KMT5A: variants seen among roughly 807,000 people sequenced by gnomAD.
KMT5A encodes the protein N-lysine methyltransferase KMT5A.
Under a neutral mutation model 40.6 loss-of-function variants are expected in KMT5A, and 6 were observed. The ratio of observed to expected loss-of-function variants is 0.15; its 90% CI spans 0.08 to 0.29. The LOEUF (loss-of-function observed/expected upper bound fraction) is 0.29, where lower values mean the gene tolerates loss of function less well. Among genes scored for constraint, KMT5A ranks in the 10% least tolerant of loss-of-function variants. KMT5A has a pLI of 1.00. For synonymous variants in KMT5A, 153 were observed against 178.8 expected (o/e 0.86, Z 1.15); for missense variants, 308 against 459.1 (o/e 0.67, Z 3.01).
rs529899431 is a variant in KMT5A at position 123,404,985 on chromosome 12, C to T, written c.759C>T (p.Thr253=). 6.8e-5 allele frequency: 109 copies of T among 1,614,026 alleles called. No homozygotes were observed. Among genetic ancestry groups the T allele is most frequent in the Non-Finnish European group, 4.5e-5 (53 of 1,179,982 alleles). The change falls in exon 7 of 8, where the codon ACC becomes ACT. Residue 253 remains threonine (T), a synonymous_variant. Transcript: ENST00000402868. The stretch of plus-strand genomic sequence containing the variant: ...ACCACGGGGACCTCATCGAGATCAC[C>T]GACGCCAAGAAACGGGAGGCTCTGT... The part of the protein sequence containing the change: ...VEYHGDLIEI[T]DAKKREALYA...
At chr12:123,388,771 A>C in intron 1 of KMT5A, 1 of 146,248 alleles carries the variant, frequency 6.8e-6, no homozygotes. Flanking sequence ...GGCGGGCGGG[A>C]GCCTGGGCTG....
chr12:123,385,175 T>C (rs1378385335), intron 1 of KMT5A, among the ~76,000 whole-genome samples: 3 of 152,154 alleles, frequency 2.0e-5, no homozygotes, highest in African/African-American at 7.2e-5. Context: ...AGTAAATATC[T>C]ATTGGGTCCC....
Position 123,391,807 on chromosome 12 carries a change from G to A in KMT5A, c.289+1021G>A, listed in dbSNP as rs190879680. ...CTCCATACAAGGAAGCCTTGTGTTC[G>A]CTAACAGAAAGTGTCATAAATGACG... On this transcript the variant is annotated intron_variant, in intron 3 of 7. Coordinates refer to ENST00000402868, the MANE Select transcript of KMT5A (RefSeq NM_020382.7). Among the ~76,000 whole-genome samples the A allele has an allele frequency of 2.8e-3, 424 of 152,288 alleles. 1 individual carries two copies. Among genetic ancestry groups the A allele is most frequent in the African/African-American group, 9.3e-3 (387 of 41,554 alleles).
At position 123,402,280 on chromosome 12, in the gene KMT5A, CG is replaced by C. The variant is rs996954641; in HGVS notation, c.598-1289del. On this transcript the variant is annotated intron_variant, in intron 5 of 7. Coordinates refer to ENST00000402868, the MANE Select transcript of KMT5A (RefSeq NM_020382.7). ...CTGGTGACTAGCAAGGGGGCCGGAG[CG>C]GGGCCGGGGCCGTGGCTGGGCTGCA... 7.9e-5 allele frequency among the ~76,000 whole-genome samples: 12 copies of C among 152,122 alleles called. 1 individual carries two copies. Among genetic ancestry groups the C allele is most frequent in the Non-Finnish European group, 1.6e-4 (11 of 68,032 alleles).
Position 123,407,859 on chromosome 12 carries a change from T to A in KMT5A, c.*156T>A. 1.6e-6 allele frequency: 1 copy of A among 610,800 alleles called. No homozygotes were observed. Among genetic ancestry groups the A allele is most frequent in the Non-Finnish European group, 2.9e-6 (1 of 344,946 alleles). The allele number at this position is 610,800 out of a possible 1,614,324, so 37.8% of individuals were successfully genotyped here. On this transcript the variant is annotated 3_prime_UTR_variant, in exon 8 of 8. Coordinates refer to ENST00000402868, the MANE Select transcript of KMT5A (RefSeq NM_020382.7). ...TTAAGATGCCTTTTCACTGTAGTATTTAAATATCTGTTACAGGTTTCCAAG... is the reference window on the plus strand; with the variant it reads ...TTAAGATGCCTTTTCACTGTAGTATATAAATATCTGTTACAGGTTTCCAAG...
Position 123,404,897 on chromosome 12 carries a change from A to G in KMT5A, c.671A>G (p.Asp224Gly), listed in dbSNP as rs201563672. 2 of 1,612,626 alleles carry G rather than the reference A, an allele frequency of 1.2e-6. No individual in the cohort carries two copies. The highest frequency in any genetic ancestry group is 4.5e-5 in the East Asian group (2 of 44,882). ...KEEGMKIDLI[D>G]GKGRGVIATK... ...ATCACCTGACAGATTGACCTCATCG[A>G]TGGCAAAGGCAGGGGTGTGATTGCC... Residue 224 changes from aspartate to glycine, a missense_variant, in exon 7 of 8, where the codon GAT becomes GGT. Physicochemically the swap from Asp to Gly is moderately conservative, Grantham distance 94. Coordinates refer to ENST00000402868, the MANE Select transcript of KMT5A (RefSeq NM_020382.7).
At chr12:123,389,920 G>A (rs1324745366) in intron 2 of KMT5A, 3 of 380,904 alleles carry the variant, frequency 7.9e-6, no homozygotes, top group African/African-American at 6.3e-5. Context: ...GCCCTCCTCC[G>A]TCTGTACTTA....
intron 7 of KMT5A, among the ~76,000 whole-genome samples, chr12:123,406,605 C>T (rs908479376): frequency 5.9e-5 from 9 of 152,186 alleles, no homozygotes; most frequent in Non-Finnish European, 1.3e-4. Context: ...TGAGCCACCG[C>T]GCCTGGCGGG....
At chr12:123,396,496 C>T (rs761613126) in intron 5 of KMT5A, 64 bp downstream of exon 5, 300 of 1,431,868 alleles carry the variant, frequency 2.1e-4, no homozygotes, top group Non-Finnish European at 2.1e-4. Context: ...CAGTGCTTGG[C>T]GTGTGCGTAT....
intron 7 of KMT5A, among the ~76,000 whole-genome samples, chr12:123,406,003 T>C (rs1371715555): frequency 6.6e-6 from 1 of 152,048 alleles, no homozygotes; most frequent in African/African-American, 2.4e-5. Flanking sequence ...GTATTTTTAG[T>C]AGAGATGGAG....
intron 5 of KMT5A, among the ~76,000 whole-genome samples, chr12:123,401,144 CTTTTTTTTTT>C (rs58431238): frequency 1.6e-4 from 12 of 75,678 alleles, no homozygotes; most frequent in African/African-American, 5.3e-4. Flanking sequence ...ATATATCTTT[CTTTTTTTTTT>C]TTTTTTTTTT....
chr12:123,400,092 G>T (rs1593469073), intron 5 of KMT5A, among the ~76,000 whole-genome samples: 2 of 151,906 alleles, frequency 1.3e-5, no homozygotes, highest in East Asian at 3.9e-4. Flanking sequence ...AAAGTGCTGG[G>T]ATTACAGGCG....
At chr12:123,390,838 GCCTCTGTCCTCTGC>G in intron 3 of KMT5A, 52 bp downstream of exon 3, 12 of 1,590,966 alleles carry the variant, frequency 7.5e-6, no homozygotes, top group Non-Finnish European at 1.0e-5. Flanking sequence ...GGTTGCAGAA[GCCTCTGTCCTCTGC>G]AAGAATGCAC....
Position 123,404,867 on chromosome 12 carries a change from C to G in KMT5A, c.658-17C>G, listed in dbSNP as rs202144633. ...CATTGCTATTATGAACCAACACCCT[C>G]TCTTATCACCTGACAGATTGACCTC... On this transcript the variant is annotated splice_polypyrimidine_tract_variant and intron_variant, in intron 6 of 7. Transcript: ENST00000402868. 387 of 1,606,038 alleles carry G rather than the reference C, an allele frequency of 2.4e-4. 3 individuals are homozygous for G. Among genetic ancestry groups the G allele is most frequent in the Middle Eastern group, 2.2e-4 (1 of 4,586 alleles).
At position 123,396,550 on chromosome 12, in the gene KMT5A, C is replaced by G. The variant is rs944941659; in HGVS notation, c.597+118C>G. 4.0e-5 allele frequency: 36 copies of G among 891,256 alleles called. No homozygotes were observed. In the African/African-American group the frequency reaches 5.6e-4, roughly 14 times the overall value. The allele number at this position is 891,256 out of a possible 1,614,324, so 55.2% of individuals were successfully genotyped here. ...GTTTTCGTCATCTTGGAGCAAGTCTCTTGGCCCCTCTGGACTTGGTTTTCT... is the reference window on the plus strand; with the variant it reads ...GTTTTCGTCATCTTGGAGCAAGTCTGTTGGCCCCTCTGGACTTGGTTTTCT... On this transcript the variant is annotated intron_variant, in intron 5 of 7. Coordinates refer to ENST00000402868, the MANE Select transcript of KMT5A (RefSeq NM_020382.7).
Position 123,384,506 on chromosome 12 carries a change from A to G in KMT5A, c.10+298A>G, listed in dbSNP as rs1876747720. Among the ~76,000 whole-genome samples the G allele has an allele frequency of 6.6e-6, 1 of 152,260 alleles. No individual in the cohort carries two copies. The highest frequency in any genetic ancestry group is 6.5e-5 in the Admixed American group (1 of 15,286). On this transcript the variant is annotated intron_variant, in intron 1 of 7. Transcript: ENST00000402868. This position sits in a 1 kb window ranked among gnomAD's most constrained non-coding sequence, Gnocchi z 5.7. ...ATCCATATGTCAGAGCTCTTTGGAA[A>G]CTAAAGCGCAGGGCACCTCCAGGGA...
chr12:123,403,679 C>G, intron 6 of KMT5A, 47 bp downstream of exon 6: 5 of 1,607,674 alleles, frequency 3.1e-6, no homozygotes, highest in Middle Eastern at 3.3e-4. Context: ...GCTGGAAGAG[C>G]TCACCTTCCC....
intron 3 of KMT5A, among the ~76,000 whole-genome samples, chr12:123,393,856 TA>T (rs1877488507): frequency 6.6e-6 from 1 of 152,200 alleles, no homozygotes; most frequent in African/African-American, 2.4e-5. Flanking sequence ...ACATTTTGTT[TA>T]TTCATCTGTT....
chr12:123,403,641 C>T lies in KMT5A; in HGVS notation c.657+9C>T, dbSNP rs535977339. 6.3e-5 allele frequency: 101 copies of T among 1,614,156 alleles called. 1 individual carries two copies. The South Asian group carries it at 1.0e-3, about 16-fold the overall frequency. On this transcript the variant is annotated intron_variant, in intron 6 of 7. Transcript: ENST00000402868. ...AGGAAGAAGGAATGAAGGTAAGGGG[C>T]TGCTGTGCTTGCTGCATCATAGCTA...
Sources: gnomAD v4.1 joint callset for allele counts (sites outside exome capture counted in the v4.1 genomes callset) on GRCh38, gnomAD v4.1.1 for gene constraint, Gnocchi (gnomAD v3.1) non-coding constraint, MANE v1.5 for transcripts, NCBI Gene and HGNC (gene_info 2026-07-23, HGNC 2026-07-21) for gene names.